Variants in SP4 observed in about 807,000 individuals in gnomAD.
The protein encoded by SP4 is Sp4 transcription factor.
Under a neutral mutation model 72.8 loss-of-function variants are expected in SP4, and 19 were observed. That is an observed-to-expected ratio of 0.26 (90% CI 0.18 to 0.38). SP4 has a LOEUF of 0.38. SP4 is among the 10% of genes least tolerant of loss of function. The probability of loss-of-function intolerance (pLI) is 1.00; values close to 1 mark genes in which losing one functional copy is unlikely to be tolerated. For missense variants in SP4, 1,008 were observed against 926.3 expected, an observed-to-expected ratio of 1.09 and a Z score of -1.14; for synonymous variants, 395 against 333.1, an observed-to-expected ratio of 1.19 and a Z score of -2.02.
At chr7:21,508,695 C>T (rs1782070734) in intron 5 of SP4, among the ~76,000 whole-genome samples, 1 of 152,074 alleles carries the variant, frequency 6.6e-6, no homozygotes, top group Non-Finnish European at 1.5e-5. Context: ...ATCCCAGGTT[C>T]CTCCTGTCAG....
chr7:21,441,269 A>G (rs1329859915), intron 3 of SP4, among the ~76,000 whole-genome samples: 3 of 152,182 alleles, frequency 2.0e-5, no homozygotes, highest in African/African-American at 7.2e-5. Context: ...AAGCTGCTAA[A>G]CTTGGAATGA....
At chr7:21,438,077 A>C (rs1309733182) in intron 3 of SP4, among the ~76,000 whole-genome samples, 2 of 152,046 alleles carry the variant, frequency 1.3e-5, no homozygotes, top group South Asian at 4.1e-4. Context: ...TGCACACACA[A>C]AGACAGACTA....
At chr7:21,445,988 A>ATGTGTGTG (rs4000966) in intron 3 of SP4, among the ~76,000 whole-genome samples, 9 of 143,118 alleles carry the variant, frequency 6.3e-5, no homozygotes, top group Non-Finnish European at 7.7e-5. Context: ...TCTTATGTGT[A>ATGTGTGTG]TGTGTGTGTG....
chr7:21,489,357 G>C (rs1053929525), intron 5 of SP4, among the ~76,000 whole-genome samples: 1 of 151,972 alleles, frequency 6.6e-6, no homozygotes, highest in Admixed American at 6.6e-5. Context: ...CTGAGACCAT[G>C]TCACCCAGGC....
At chr7:21,502,617 T>G (rs935845610) in intron 5 of SP4, among the ~76,000 whole-genome samples, 1 of 152,136 alleles carries the variant, frequency 6.6e-6, no homozygotes, top group African/African-American at 2.4e-5. Flanking sequence ...GTTGAGGGCT[T>G]GTACCAAAAA....
chr7:21,443,536 G>C (rs1299000853), intron 3 of SP4, among the ~76,000 whole-genome samples: 1 of 152,108 alleles, frequency 6.6e-6, no homozygotes, highest in African/African-American at 2.4e-5. Context: ...AGTCAGAAGG[G>C]GTTTAGTACA....
chr7:21,488,529 A>G (rs957584678), intron 5 of SP4, among the ~76,000 whole-genome samples: 6 of 95,776 alleles, frequency 6.3e-5, no homozygotes, highest in Admixed American at 1.0e-4. Context: ...TGCCTTTACT[A>G]TTATTTTAAT....
intron 5 of SP4, among the ~76,000 whole-genome samples, chr7:21,484,583 G>A (rs368479095): frequency 7.2e-5 from 11 of 151,868 alleles, no homozygotes; most frequent in Admixed American, 2.6e-4. Flanking sequence ...CACCATTGAC[G>A]TTGGCAAATA....
chr7:21,475,693 G>C (rs1784480260), intron 3 of SP4, among the ~76,000 whole-genome samples: 1 of 152,120 alleles, frequency 6.6e-6, no homozygotes, highest in Non-Finnish European at 1.5e-5. Flanking sequence ...TCGATCTCCT[G>C]ACCTTGTGAT....
chr7:21,491,068 A>C (rs6980423), intron 5 of SP4, among the ~76,000 whole-genome samples: 6,715 of 152,326 alleles, frequency 0.044, 234 homozygotes, highest in Middle Eastern at 0.088. Flanking sequence ...TTAAGAGAGA[A>C]GATAACAGAT....
At chr7:21,453,694 T>C (rs1197709752) in intron 3 of SP4, among the ~76,000 whole-genome samples, 2 of 152,234 alleles carry the variant, frequency 1.3e-5, no homozygotes, top group Admixed American at 6.5e-5. Context: ...TTTTGTAAGA[T>C]TGTCATAGAC....
At chr7:21,500,411 A>T (rs1231653979) in intron 5 of SP4, among the ~76,000 whole-genome samples, 4 of 152,166 alleles carry the variant, frequency 2.6e-5, no homozygotes, top group African/African-American at 9.7e-5. Flanking sequence ...CACACTTATT[A>T]CCTCATAGTT....
At chr7:21,439,755 G>C (rs573961946) in intron 3 of SP4, among the ~76,000 whole-genome samples, 16 of 152,184 alleles carry the variant, frequency 1.1e-4, no homozygotes, top group Non-Finnish European at 2.1e-4. Flanking sequence ...AAAATCAGCT[G>C]GATGTGGTGG....
Position 21,429,717 on chromosome 7 carries a change from T to C in SP4, c.552T>C (p.Thr184=). The C allele has an allele frequency of 6.2e-7, 1 of 1,614,166 alleles. No individual in the cohort carries two copies. The highest frequency in any genetic ancestry group is 8.5e-7 in the Non-Finnish European group (1 of 1,180,012). The change falls in exon 3 of 6, where the codon ACT becomes ACC. Residue 184 remains threonine, a synonymous_variant. Coordinates refer to ENST00000222584, the MANE Select transcript of SP4 (RefSeq NM_003112.5). The stretch of plus-strand genomic sequence containing the variant: ...GTCAACAAATTCAAATCAATCCAAC[T>C]AGTAGTTCATCTCTACAGGATTTGC... ...VEGQQIQINP[T]SSSSLQDLQG...
chr7:21,508,011 C>T (rs1248179146), intron 5 of SP4, among the ~76,000 whole-genome samples: 1 of 152,070 alleles, frequency 6.6e-6, no homozygotes, highest in Non-Finnish European at 1.5e-5. Context: ...CAATTTTCCT[C>T]CCTTGGCTTC....
intron 3 of SP4, among the ~76,000 whole-genome samples, chr7:21,441,866 T>A (rs1214511087): frequency 6.6e-6 from 1 of 152,154 alleles, no homozygotes; most frequent in Non-Finnish European, 1.5e-5. Context: ...TAATAGGCAT[T>A]GAGAAACTAA....
intron 5 of SP4, among the ~76,000 whole-genome samples, chr7:21,502,367 G>T (rs1041589801): frequency 3.3e-5 from 5 of 152,066 alleles, no homozygotes; most frequent in African/African-American, 1.2e-4. Flanking sequence ...TCTGCCCCCT[G>T]CCTGGAGAGG....
At position 21,430,871 on chromosome 7, in the gene SP4, T is replaced by G. The variant is rs996299789; in HGVS notation, c.1678+28T>G. 6 of 1,464,502 alleles carry G rather than the reference T, an allele frequency of 4.1e-6. No homozygotes were observed. In the African/African-American group the frequency reaches 8.4e-5, roughly 21 times the overall value. 90.7% of individuals were successfully genotyped at this position (1,464,502 alleles called of 1,614,324 possible). A position where few individuals can be genotyped will look rare whatever the true frequency, so the allele number is the denominator to read the frequency against. On this transcript the variant is annotated intron_variant, in intron 3 of 5. Coordinates refer to ENST00000222584, the MANE Select transcript of SP4 (RefSeq NM_003112.5). ...AAGTTCTGACATCTTTTTAAGTACC[T>G]TTTAAATAGTTTTTCATAACAATTA...
chr7:21,482,529 A>T, intron 5 of SP4: 1 of 395,990 alleles, frequency 2.5e-6, no homozygotes, highest in Non-Finnish European at 3.4e-6. Flanking sequence ...TATCAAGAAT[A>T]ATTAAATAAT....
Sources: gnomAD v4.1 joint callset for allele counts (sites outside exome capture counted in the v4.1 genomes callset) on GRCh38, gnomAD v4.1.1 for gene constraint, MANE v1.5 for transcripts, NCBI Gene and HGNC (gene_info 2026-07-23, HGNC 2026-07-21) for gene names.